CTNNA3: variants seen among roughly 807,000 people sequenced by gnomAD.
CTNNA3 encodes the protein catenin alpha-3.
In CTNNA3, 76 loss-of-function variants were observed where a neutral mutation model predicts 95.7. The observed-to-expected ratio is 0.79, with a 90% CI of 0.66 to 0.96. CTNNA3 has a LOEUF of 0.96. Ranked by LOEUF, CTNNA3 falls within the 40% of genes least tolerant of loss-of-function variation. The probability of loss-of-function intolerance (pLI) is 0.00; values close to 1 mark genes in which losing one functional copy is unlikely to be tolerated. For missense variants in CTNNA3, 1,191 were observed against 1,089.8 expected (o/e 1.09, Z -1.31); for synonymous variants, 431 against 374.4 (o/e 1.15, Z -1.74).
chr10:67,650,914 T>C (rs1839860372), intron 1 of CTNNA3, among the ~76,000 whole-genome samples: 1 of 152,044 alleles, frequency 6.6e-6, no homozygotes, highest in Non-Finnish European at 1.5e-5. Context: ...CAGAAAACAT[T>C]TGGCACCTAC....
intron 2 of CTNNA3, among the ~76,000 whole-genome samples, chr10:67,628,800 GTTTA>G (rs2133429765): frequency 6.6e-6 from 1 of 151,914 alleles, no homozygotes; most frequent in Admixed American, 6.6e-5. Flanking sequence ...TTTGTCAATT[GTTTA>G]TTTAACCATG....
intron 7 of CTNNA3, among the ~76,000 whole-genome samples, chr10:66,897,776 C>T (rs1367293342): frequency 2.0e-5 from 3 of 152,082 alleles, no homozygotes; most frequent in African/African-American, 7.2e-5. Context: ...CCTATAAACT[C>T]AAACTTAAAT....
chr10:66,377,071 C>A (rs1182265109), intron 12 of CTNNA3, among the ~76,000 whole-genome samples: 3 of 152,034 alleles, frequency 2.0e-5, no homozygotes, highest in Non-Finnish European at 4.4e-5. Flanking sequence ...TTTAGTAAGG[C>A]ATGCTTTTCA....
chr10:66,742,924 T>C lies in CTNNA3; in HGVS notation c.1281+23340A>G, dbSNP rs142753819. Among the ~76,000 whole-genome samples, 737 of 152,344 alleles carry C rather than the reference T, an allele frequency of 4.8e-3. 7 individuals are homozygous for C. Among genetic ancestry groups the C allele is most frequent in the Middle Eastern group, 6.8e-3 (2 of 294 alleles). ...CTGCTCAGATAGTAGGTTTATATTT[T>C]ACATCATTTCCTCTGCCCCTGGTTT... On this transcript the variant is annotated intron_variant, in intron 9 of 17. Transcript: ENST00000433211.
At chr10:66,545,433 T>C (rs555234191) in intron 10 of CTNNA3, among the ~76,000 whole-genome samples, 9 of 152,230 alleles carry the variant, frequency 5.9e-5, no homozygotes, top group Middle Eastern at 3.4e-3. Context: ...ATTATATAAA[T>C]ATAACACAAA....
intron 6 of CTNNA3, among the ~76,000 whole-genome samples, chr10:67,185,368 C>T (rs147771692): frequency 0.015 from 2,248 of 152,054 alleles, 43 homozygotes; most frequent in African/African-American, 0.048. Context: ...CCACATGATC[C>T]GCCTGCCTCG....
chr10:66,584,711 G>C (rs988390179), intron 10 of CTNNA3, among the ~76,000 whole-genome samples: 5 of 151,920 alleles, frequency 3.3e-5, no homozygotes, highest in Non-Finnish European at 5.9e-5. Context: ...GTGAGGTGCT[G>C]TTCTAGTCAT....
rs1267407087 is a variant in CTNNA3 at position 66,367,915 on chromosome 10, T to C, written c.1732+11237A>G. Among the ~76,000 whole-genome samples the C allele has an allele frequency of 1.6e-5, 2 of 127,414 alleles. 1 individual carries two copies. The highest frequency in any genetic ancestry group is 5.5e-4 in the East Asian group (2 of 3,654). The allele number at this position is 127,414 out of a possible 152,430, so 83.6% of individuals were successfully genotyped here. On this transcript the variant is annotated intron_variant, in intron 12 of 17. Transcript: ENST00000433211. ...ATTATTATTATTATTATTATTATTA[T>C]TATTATTATTATTTTCTGGGAGCCC...
chr10:67,026,871 A>G (rs1589625057), intron 7 of CTNNA3, among the ~76,000 whole-genome samples: 1 of 152,222 alleles, frequency 6.6e-6, no homozygotes, highest in South Asian at 2.1e-4. Flanking sequence ...TTTTCCTCAT[A>G]TATCTCCTTA....
chr10:67,004,851 T>C (rs974126544), intron 7 of CTNNA3, among the ~76,000 whole-genome samples: 6 of 152,236 alleles, frequency 3.9e-5, no homozygotes, highest in Non-Finnish European at 8.8e-5. Flanking sequence ...GTATGTTCAG[T>C]CTGACAAAGC....
intron 7 of CTNNA3, among the ~76,000 whole-genome samples, chr10:66,955,017 C>T (rs936365253): frequency 6.6e-6 from 1 of 152,142 alleles, no homozygotes; most frequent in Admixed American, 6.6e-5. Context: ...AACATTGGAG[C>T]ACATTAACAT....
intron 17 of CTNNA3, among the ~76,000 whole-genome samples, chr10:65,958,197 G>A (rs2077771134): frequency 6.6e-6 from 1 of 152,090 alleles, no homozygotes; most frequent in Non-Finnish European, 1.5e-5. Context: ...GCTTGTGCAT[G>A]TGCCATGTAG....
chr10:67,027,151 AG>A (rs1853439812), intron 7 of CTNNA3, among the ~76,000 whole-genome samples: 3 of 152,174 alleles, frequency 2.0e-5, no homozygotes, highest in Admixed American at 1.3e-4. Context: ...GTGCCCAATA[AG>A]GTGAGAAGAC....
intron 10 of CTNNA3, among the ~76,000 whole-genome samples, chr10:66,527,807 ATTAG>A (rs1461215451): frequency 2.6e-5 from 4 of 152,080 alleles, no homozygotes; most frequent in Admixed American, 2.6e-4. Flanking sequence ...GAATTCTGTT[ATTAG>A]TTTTAAGATT....
chr10:66,963,133 A>C (rs1398696859), intron 7 of CTNNA3, among the ~76,000 whole-genome samples: 3 of 152,220 alleles, frequency 2.0e-5, no homozygotes, highest in Admixed American at 1.3e-4. Context: ...GCTTGAAATA[A>C]AACAAAGCTA....
intron 1 of CTNNA3, among the ~76,000 whole-genome samples, chr10:67,731,907 C>T (rs920948161): frequency 3.3e-5 from 5 of 151,422 alleles, no homozygotes; most frequent in African/African-American, 1.2e-4. Context: ...ATTACAGGTA[C>T]CCGCCACCAA....
chr10:66,155,941 C>A (rs533409824), intron 13 of CTNNA3, among the ~76,000 whole-genome samples: 1 of 151,616 alleles, frequency 6.6e-6, no homozygotes, highest in East Asian at 1.9e-4. Context: ...AAAGGAAACA[C>A]AACAGAAAAA....
chr10:67,700,118 A>G (rs564661660), upstream of CTNNA3, among the ~76,000 whole-genome samples: 27 of 152,382 alleles, frequency 1.8e-4, no homozygotes, highest in South Asian at 8.3e-4. Context: ...CAAAGCAGCC[A>G]GGAAGCTCGA....
chr10:66,965,372 T>C lies in CTNNA3; in HGVS notation c.1048-189848A>G, dbSNP rs1177485910. 4.6e-5 allele frequency among the ~76,000 whole-genome samples: 7 copies of C among 151,672 alleles called. No individual in the cohort carries two copies. The South Asian group carries it at 1.5e-3, about 32-fold the overall frequency. Reference sequence around the variant, plus strand: ...CAACATGGTGAAACCCTGTCTCTACTAAAAATACAAAAATTAGCCGGGTGT... The same window carrying C: ...CAACATGGTGAAACCCTGTCTCTACCAAAAATACAAAAATTAGCCGGGTGT... On this transcript the variant is annotated intron_variant, in intron 7 of 17. Coordinates refer to ENST00000433211, the MANE Select transcript of CTNNA3 (RefSeq NM_013266.4).
Sources: gnomAD v4.1 joint callset for allele counts (sites outside exome capture counted in the v4.1 genomes callset) on GRCh38, gnomAD v4.1.1 for gene constraint, MANE v1.5 for transcripts, NCBI Gene and HGNC (gene_info 2026-07-23, HGNC 2026-07-21) for gene names.